The following VRK2 variants were observed in gnomAD, a reference collection of about 807,000 sequenced individuals.
VRK2 encodes the protein VRK serine/threonine kinase 2.
A neutral mutation model predicts 57.6 loss-of-function variants in VRK2; 60 were observed. That is an observed-to-expected ratio of 1.04 (90% CI 0.85 to 1.29). The LOEUF is 1.29. VRK2 is among the 50% of genes most tolerant of loss of function. The probability of loss-of-function intolerance (pLI) is 0.00; values close to 1 mark genes in which losing one functional copy is unlikely to be tolerated. For missense variants in VRK2, 705 were observed against 588.1 expected (o/e 1.20, Z -2.06); for synonymous variants, 231 against 199.2 (o/e 1.16, Z -1.35).
rs1225843577 is a variant in VRK2 at position 58,048,609 on chromosome 2, T to A, written c.-5-218T>A. The A allele has an allele frequency of 4.8e-6, 7 of 1,473,532 alleles. No individual in the cohort carries two copies. In the South Asian group the frequency reaches 7.3e-5, roughly 15 times the overall value. The allele number at this position is 1,473,532 out of a possible 1,614,324, so 91.3% of individuals were successfully genotyped here. A position where few individuals can be genotyped will look rare whatever the true frequency, so the allele number is the denominator to read the frequency against. ...TTTGGTTAGTTTGCTTCTGTTTTTT[T>A]AAAATATCTATACCTCTTAGATCTC... On this transcript the variant is annotated intron_variant, in intron 1 of 12. Coordinates refer to ENST00000340157, the MANE Select transcript of VRK2 (RefSeq NM_006296.7).
At chr2:58,017,112 G>C (rs767553703) in intron 1 of VRK2, among the ~76,000 whole-genome samples, 2 of 152,178 alleles carry the variant, frequency 1.3e-5, no homozygotes, top group African/African-American at 2.4e-5. Context: ...CTGGGGAGCA[G>C]TCACAGGATA....
At chr2:58,072,433 G>GA (rs1201606242) in intron 2 of VRK2, among the ~76,000 whole-genome samples, 1 of 151,828 alleles carries the variant, frequency 6.6e-6, no homozygotes, top group African/African-American at 2.4e-5. Context: ...ATCGAGTTGA[G>GA]AAAGTTTCTA....
At chr2:58,034,237 C>G (rs1674205059) in intron 3 of VRK2, among the ~76,000 whole-genome samples, 1 of 152,012 alleles carries the variant, frequency 6.6e-6, no homozygotes, top group Non-Finnish European at 1.5e-5. Context: ...TCTTTGCCTA[C>G]CTTTCAGAAT....
At chr2:58,136,771 A>G (rs1680087125) in intron 10 of VRK2, among the ~76,000 whole-genome samples, 2 of 145,696 alleles carry the variant, frequency 1.4e-5, no homozygotes. Context: ...ATATATATAT[A>G]TCATATATAT....
intron 2 of VRK2, among the ~76,000 whole-genome samples, chr2:58,028,854 G>A (rs925161513): frequency 1.4e-5 from 2 of 141,364 alleles, no homozygotes; most frequent in African/African-American, 5.3e-5. Context: ...CCTGCACATT[G>A]TGCACATGTA....
At chr2:58,028,903 A>ATATATATATATATATAT (rs1553378205) in intron 2 of VRK2, among the ~76,000 whole-genome samples, 5 of 54,024 alleles carry the variant, frequency 9.3e-5, no homozygotes, top group African/African-American at 2.1e-4. Context: ...TAAATAAATA[A>ATATATATATATATATAT]ATATATATAT....
At chr2:58,052,015 G>T (rs72951033) in intron 2 of VRK2, among the ~76,000 whole-genome samples, 1,971 of 152,246 alleles carry the variant, frequency 0.013, 56 homozygotes, top group African/African-American at 0.046. Context: ...TCAGGAAGGA[G>T]AGAAAACTGA....
chr2:57,931,530 G>T (rs1452214205), intron 1 of VRK2, among the ~76,000 whole-genome samples: 1 of 152,038 alleles, frequency 6.6e-6, no homozygotes, highest in East Asian at 1.9e-4. Context: ...CCCATATCAG[G>T]TATACGGTTT....
chr2:57,927,800 A>T (rs527585705), intron 1 of VRK2, among the ~76,000 whole-genome samples: 64 of 152,240 alleles, frequency 4.2e-4, no homozygotes, highest in Middle Eastern at 6.8e-3. Flanking sequence ...GGATATTTTC[A>T]CTGGATCTAT....
At position 57,941,597 on chromosome 2, in the gene VRK2, A is replaced by G. The variant is rs1243257500; in HGVS notation, c.-439+33758A>G. Among the ~76,000 whole-genome samples, 3 of 152,218 alleles carry G rather than the reference A, an allele frequency of 2.0e-5. No individual in the cohort carries two copies. The East Asian group carries it at 5.8e-4, about 29-fold the overall frequency. ...TTGTCTGACCTGTCTAAATCCATCA[A>G]TAGCTAGGCTCTTGATGCCTGATTC... On this transcript the variant is annotated intron_variant, in intron 1 of 15. Coordinates refer to the VRK2 transcript ENST00000417641.
chr2:57,968,433 C>A (rs2104014916), intron 1 of VRK2, among the ~76,000 whole-genome samples: 1 of 152,076 alleles, frequency 6.6e-6, no homozygotes, highest in South Asian at 2.1e-4. Flanking sequence ...AAAACATATT[C>A]TAATGAAATG....
rs369642674 is a variant in VRK2, at chr2:58,072,881, C to G, written c.137-11208C>G. ...GAATTCACCCATTAGCCCATCTAGG[C>G]CCACCCATCTAGATTTTCTACTATG... On this transcript the variant is annotated intron_variant, in intron 2 of 12. Coordinates refer to ENST00000340157, the MANE Select transcript of VRK2 (RefSeq NM_006296.7). Among the ~76,000 whole-genome samples the G allele has an allele frequency of 7.2e-5, 11 of 151,986 alleles. No homozygotes were observed. The South Asian group carries it at 2.3e-3, about 32-fold the overall frequency.
At chr2:58,073,328 T>G (rs1055227765) in intron 2 of VRK2, among the ~76,000 whole-genome samples, 7 of 152,038 alleles carry the variant, frequency 4.6e-5, no homozygotes, top group African/African-American at 1.4e-4. Context: ...ATTCATTGAT[T>G]GGTGGTGCTG....
chr2:57,979,044 T>C (rs1455892660), intron 1 of VRK2, among the ~76,000 whole-genome samples: 1 of 151,218 alleles, frequency 6.6e-6, no homozygotes, highest in Admixed American at 6.6e-5. Context: ...ATGTACCATG[T>C]TTTCTTTATC....
At chr2:58,076,997 A>T (rs1439205238) in intron 2 of VRK2, among the ~76,000 whole-genome samples, 1 of 152,038 alleles carries the variant, frequency 6.6e-6, no homozygotes, top group African/African-American at 2.4e-5. Flanking sequence ...CATTGATACA[A>T]TACTATTAAC....
intron 8 of VRK2, among the ~76,000 whole-genome samples, chr2:58,127,778 GTTCAC>G (rs1401995892): frequency 6.6e-6 from 1 of 152,116 alleles, no homozygotes; most frequent in Non-Finnish European, 1.5e-5. Flanking sequence ...AAATTTTCAA[GTTCAC>G]TTCATTATTT....
At chr2:58,141,312 T>C (rs1558692772) in intron 11 of VRK2, among the ~76,000 whole-genome samples, 1 of 152,044 alleles carries the variant, frequency 6.6e-6, no homozygotes, top group Non-Finnish European at 1.5e-5. Flanking sequence ...TTTTAAAAAC[T>C]GATAGCTATA....
intron 2 of VRK2, among the ~76,000 whole-genome samples, chr2:58,051,714 G>A (rs1675776033): frequency 1.3e-5 from 2 of 152,282 alleles, no homozygotes; most frequent in East Asian, 3.9e-4. Flanking sequence ...CTGTCCTCTA[G>A]CTTTGAGATC....
At chr2:57,969,648 G>A (rs1011988579) in intron 1 of VRK2, among the ~76,000 whole-genome samples, 13 of 151,902 alleles carry the variant, frequency 8.6e-5, no homozygotes, top group Admixed American at 4.6e-4. Flanking sequence ...AAGTTCTAAG[G>A]AAATGAACAG....
Sources: allele counts gnomAD v4.1 joint callset (sites outside exome capture counted in the v4.1 genomes callset), GRCh38; gene constraint gnomAD v4.1.1; transcripts MANE v1.5; gene names NCBI Gene and HGNC (gene_info 2026-07-23, HGNC 2026-07-21).